Variants in WFDC9 observed in about 807,000 individuals in gnomAD.
The protein encoded by WFDC9 is protein WFDC9.
Under a neutral mutation model 9.5 loss-of-function variants are expected in WFDC9, and 9 were observed. The ratio of observed to expected loss-of-function variants is 0.95; its 90% CI spans 0.57 to 1.65. The LOEUF (loss-of-function observed/expected upper bound fraction) is 1.65. Ranked by LOEUF, WFDC9 falls within the 40% of genes most tolerant of loss-of-function variation. The probability of loss-of-function intolerance (pLI) is 0.00; values close to 1 mark genes in which losing one functional copy is unlikely to be tolerated. For missense variants in WFDC9, 87 were observed against 106.7 expected, an observed-to-expected ratio of 0.82 and a Z score of 0.81; for synonymous variants, 33 against 32.3, an observed-to-expected ratio of 1.02 and a Z score of -0.07.
At position 45,630,544 on chromosome 20, in the gene WFDC9, A is replaced by G. The variant is rs542229584; in HGVS notation, c.-153+659T>C. On this transcript the variant is annotated intron_variant, in intron 1 of 4. Coordinates refer to ENST00000326000, the MANE Select transcript of WFDC9 (RefSeq NM_147198.4). ...ATGTCTCATGCTTCTTTGAGCTCTCAGGATCAGACTGTAGATTCTTTGGTG... is the reference window on the plus strand; with the variant it reads ...ATGTCTCATGCTTCTTTGAGCTCTCGGGATCAGACTGTAGATTCTTTGGTG... Among the ~76,000 whole-genome samples the G allele has an allele frequency of 1.2e-4, 19 of 152,314 alleles. 1 individual carries two copies. Among genetic ancestry groups the G allele is most frequent in the Admixed American group, 1.2e-3 (18 of 15,312 alleles).
chr20:45,616,739 T>C (rs943925783), intron 1 of WFDC9, among the ~76,000 whole-genome samples: 2 of 152,212 alleles, frequency 1.3e-5, no homozygotes, highest in Non-Finnish European at 2.9e-5. Flanking sequence ...TATAGCTCCA[T>C]CAGAGCTCTT....
chr20:45,611,551 C>T (rs1436385120), intron 2 of WFDC9, among the ~76,000 whole-genome samples: 1 of 152,144 alleles, frequency 6.6e-6, no homozygotes, highest in Non-Finnish European at 1.5e-5. Flanking sequence ...AAAATATGCT[C>T]ACATCATACA....
intron 1 of WFDC9, among the ~76,000 whole-genome samples, chr20:45,625,843 TCTTG>T (rs1348017491): frequency 1.6e-5 from 2 of 127,084 alleles, no homozygotes; most frequent in African/African-American, 6.1e-5. Flanking sequence ...TGAGACAGAG[TCTTG>T]CTCTTGTTGC....
intron 1 of WFDC9, among the ~76,000 whole-genome samples, chr20:45,618,373 T>C (rs1293358906): frequency 6.6e-6 from 1 of 152,258 alleles, no homozygotes; most frequent in Non-Finnish European, 1.5e-5. Flanking sequence ...AGTAGAACTT[T>C]TAATTTCCAT....
chr20:45,617,448 C>A (rs1205036196), intron 1 of WFDC9, among the ~76,000 whole-genome samples: 1 of 152,028 alleles, frequency 6.6e-6, no homozygotes, highest in African/African-American at 2.4e-5. Flanking sequence ...GAGCGAGACT[C>A]CATCTCAAAA....
chr20:45,613,898 A>G (rs1192247189), intron 2 of WFDC9, among the ~76,000 whole-genome samples: 1 of 152,184 alleles, frequency 6.6e-6, no homozygotes, highest in East Asian at 1.9e-4. Context: ...GGATGAGGTA[A>G]GTGGGTGAAA....
intron 1 of WFDC9, among the ~76,000 whole-genome samples, chr20:45,628,842 T>C (rs1206364544): frequency 6.6e-6 from 1 of 152,170 alleles, no homozygotes; most frequent in African/African-American, 2.4e-5. Context: ...AGGGTGATCT[T>C]CTTCCCAGCT....
chr20:45,617,508 A>G (rs138685381), intron 1 of WFDC9, among the ~76,000 whole-genome samples: 2,113 of 152,260 alleles, frequency 0.014, 89 homozygotes, highest in Admixed American at 0.097. Flanking sequence ...TCAAAAACCC[A>G]ACTACTAATA....
rs1981766601 is a variant in WFDC9, at chr20:45,608,019, GC to G, written c.*90del. ...AATAGCAGAAAGGTTACCAGCTAGA[GC>G]CAGTGGGTGTCCCAAGAAGGAAGTA... On this transcript the variant is annotated 3_prime_UTR_variant, in exon 5 of 5. Transcript: ENST00000326000. 4 of 1,432,414 alleles carry G rather than the reference GC, an allele frequency of 2.8e-6. No individual in the cohort carries two copies. In the South Asian group the frequency reaches 3.5e-5, roughly 13 times the overall value. The allele number at this position is 1,432,414 out of a possible 1,614,324, so 88.7% of individuals were successfully genotyped here.
At chr20:45,614,037 T>C (rs1304520274) in intron 2 of WFDC9, among the ~76,000 whole-genome samples, 1 of 152,198 alleles carries the variant, frequency 6.6e-6, no homozygotes, top group Admixed American at 6.5e-5. Context: ...GGCTGTTTCT[T>C]TGTATTCCAA....
chr20:45,627,154 C>G (rs537268405), intron 1 of WFDC9, among the ~76,000 whole-genome samples: 6 of 152,210 alleles, frequency 3.9e-5, no homozygotes, highest in Admixed American at 3.3e-4. Context: ...TTCTTGCATT[C>G]GTATGATAAA....
intron 1 of WFDC9, among the ~76,000 whole-genome samples, chr20:45,616,539 T>C (rs1031857061): frequency 6.6e-6 from 1 of 152,200 alleles, no homozygotes; most frequent in African/African-American, 2.4e-5. Flanking sequence ...GTATGTAGAA[T>C]AGTGAATCCT....
At position 45,609,307 on chromosome 20, in the gene WFDC9, G is replaced by A. The variant is rs546573629; in HGVS notation, c.92-497C>T. ...CAACCTCCACTTCCCGGGTTCAAGC[G>A]ATTCTCCTGCCTCAGCCTCCTGAGT... On this transcript the variant is annotated intron_variant, in intron 3 of 4. Coordinates refer to ENST00000326000, the MANE Select transcript of WFDC9 (RefSeq NM_147198.4). Among the ~76,000 whole-genome samples, 336 of 151,472 alleles carry A rather than the reference G, an allele frequency of 2.2e-3. 1 individual carries two copies. The highest frequency in any genetic ancestry group is 8.1e-3 in the African/African-American group (332 of 41,232).
Position 45,608,274 on chromosome 20 carries a change from A to G in WFDC9, c.240-134T>C. 2.8e-6 allele frequency: 3 copies of G among 1,061,748 alleles called. No homozygotes were observed. The South Asian group carries it at 4.5e-5, about 16-fold the overall frequency. 65.8% of individuals were successfully genotyped at this position (1,061,748 alleles called of 1,614,324 possible). On this transcript the variant is annotated intron_variant, in intron 4 of 4. Coordinates refer to ENST00000326000, the MANE Select transcript of WFDC9 (RefSeq NM_147198.4). ...ATCAGAAGTTACCCACTTTTAAGCA[A>G]TTTCCCCCAAGAAGTTTGCCAACTG...
At chr20:45,630,436 A>G (rs558385245) in intron 1 of WFDC9, among the ~76,000 whole-genome samples, 2 of 152,286 alleles carry the variant, frequency 1.3e-5, no homozygotes, top group Non-Finnish European at 1.5e-5. Flanking sequence ...AGTGACAGTG[A>G]GCAGAAGAGA....
chr20:45,619,824 A>G (rs970713454), intron 1 of WFDC9, among the ~76,000 whole-genome samples: 10 of 152,190 alleles, frequency 6.6e-5, no homozygotes, highest in South Asian at 2.1e-4. Flanking sequence ...CAGGAGTTTG[A>G]GAACAGCCTG....
chr20:45,613,603 G>C (rs1038441844), intron 2 of WFDC9, among the ~76,000 whole-genome samples: 1 of 152,174 alleles, frequency 6.6e-6, no homozygotes, highest in African/African-American at 2.4e-5. Flanking sequence ...AGAGACACAG[G>C]TTCTTAATGG....
At chr20:45,608,378 G>C (rs1981775305) in intron 4 of WFDC9, among the ~76,000 whole-genome samples, 1 of 152,182 alleles carries the variant, frequency 6.6e-6, no homozygotes, top group South Asian at 2.1e-4. Context: ...TAAGGGGTTA[G>C]TAATTGGAAC....
chr20:45,627,815 C>T (rs1430852593), intron 1 of WFDC9, among the ~76,000 whole-genome samples: 1 of 152,048 alleles, frequency 6.6e-6, no homozygotes, highest in Non-Finnish European at 1.5e-5. Context: ...TAATTATTTC[C>T]ATTATAGTCT....
Sources: allele counts gnomAD v4.1 joint callset (sites outside exome capture counted in the v4.1 genomes callset), GRCh38; gene constraint gnomAD v4.1.1; transcripts MANE v1.5; gene names NCBI Gene and HGNC (gene_info 2026-07-23, HGNC 2026-07-21).